Variants in ANKRD26 observed in about 807,000 individuals in gnomAD.
ANKRD26 encodes the protein ankyrin repeat domain-containing protein 26.
A neutral mutation model predicts 208.7 loss-of-function variants in ANKRD26; 141 were observed. That is an observed-to-expected ratio of 0.68 (90% CI 0.59 to 0.78). The LOEUF (loss-of-function observed/expected upper bound fraction) is 0.78, where lower values mean the gene tolerates loss of function less well. Among genes scored for constraint, ANKRD26 ranks in the 30% least tolerant of loss-of-function variants. The probability of loss-of-function intolerance (pLI) is 0.00; values close to 1 mark genes in which losing one functional copy is unlikely to be tolerated. For missense variants in ANKRD26, 1,889 were observed against 1,938.7 expected, an observed-to-expected ratio of 0.97 and a Z score of 0.48; for synonymous variants, 636 against 660.4, an observed-to-expected ratio of 0.96 and a Z score of 0.57.
At chr10:27,053,998 A>C (rs918033752) in intron 15 of ANKRD26, among the ~76,000 whole-genome samples, 2 of 152,096 alleles carry the variant, frequency 1.3e-5, no homozygotes, top group African/African-American at 4.8e-5. Context: ...TGCTATTTTG[A>C]CAAATTTTTT....
At chr10:27,092,308 C>A in intron 4 of ANKRD26, 98 bp downstream of exon 4, 1 of 832,346 alleles carries the variant, frequency 1.2e-6, no homozygotes, top group Admixed American at 2.1e-5. Context: ...CCCTCAAGAA[C>A]AAGCAGGTTT....
intron 5 of ANKRD26, among the ~76,000 whole-genome samples, chr10:26,994,801 T>C (rs1341793124): frequency 1.3e-5 from 2 of 152,190 alleles, no homozygotes; most frequent in African/African-American, 4.8e-5. Flanking sequence ...TCTCCTTCTG[T>C]AGCATCCCAA....
chr10:26,950,864 C>G, the ANKRD26 span, among the ~76,000 whole-genome samples: 5 of 152,092 alleles, frequency 3.3e-5, no homozygotes, highest in Non-Finnish European at 5.9e-5. Context: ...GAGCTTCAGT[C>G]TGATTCAGAA....
chr10:27,074,149 A>G (rs1287081494), intron 9 of ANKRD26, among the ~76,000 whole-genome samples: 1 of 152,194 alleles, frequency 6.6e-6, no homozygotes, highest in Non-Finnish European at 1.5e-5. Context: ...AAAAGATCAC[A>G]CTAACTCTCC....
At chr10:26,975,557 A>G (rs894589956) in exon 6 of ANKRD26, among the ~76,000 whole-genome samples, 13 of 151,866 alleles carry the variant, frequency 8.6e-5, no homozygotes, top group African/African-American at 2.7e-4. Flanking sequence ...GAGGAGCTCT[A>G]CAGGCCTGGC....
chr10:26,951,008 C>CTTTTTTTTTTTTTTTTTTTTTTTTTTTT, the ANKRD26 span, among the ~76,000 whole-genome samples: 1 of 62,694 alleles, frequency 1.6e-5, no homozygotes, highest in Middle Eastern at 8.2e-3. Flanking sequence ...TTTTTCTTTT[C>CTTTTTTTTTTTTTTTTTTTTTTTTTTTT]TTTTCTTTTT....
the ANKRD26 span, among the ~76,000 whole-genome samples, chr10:26,950,634 C>G: frequency 1.3e-5 from 2 of 152,378 alleles, no homozygotes; most frequent in South Asian, 2.1e-4. Flanking sequence ...ATGTGAGAAG[C>G]CTGCTCCCAC....
chr10:27,064,207 G>T (rs1029146010), intron 11 of ANKRD26, 126 bp from the exon 12 acceptor site: 2 of 765,312 alleles, frequency 2.6e-6, no homozygotes, highest in African/African-American at 3.5e-5. Context: ...TTAAAAATAA[G>T]ATAAGCATGT....
chr10:27,041,315 T>C (rs1291943751), intron 20 of ANKRD26, among the ~76,000 whole-genome samples: 11 of 151,948 alleles, frequency 7.2e-5, no homozygotes, highest in African/African-American at 2.7e-4. Flanking sequence ...ACAGTGCATG[T>C]ATGCTAGGAA....
the ANKRD26 span, among the ~76,000 whole-genome samples, chr10:26,949,545 G>A: frequency 2.8e-4 from 42 of 151,716 alleles, no homozygotes; most frequent in African/African-American, 7.0e-4. Context: ...TCACTCTGTC[G>A]CCCAGGCTGG....
At chr10:27,097,744 G>A (rs533512257) in intron 1 of ANKRD26, among the ~76,000 whole-genome samples, 1 of 152,098 alleles carries the variant, frequency 6.6e-6, no homozygotes, top group South Asian at 2.1e-4. Context: ...CCGCCTCCCA[G>A]GTGCACGCTA....
rs186266829 is a variant in ANKRD26, at chr10:27,077,584, T to C, written c.875-44A>G. On this transcript the variant is annotated intron_variant, in intron 8 of 33. Coordinates refer to ENST00000376087, the MANE Select transcript of ANKRD26 (RefSeq NM_014915.3). The stretch of plus-strand genomic sequence containing the variant: ...AAAGAGTAAATGAAAATATATGTAA[T>C]TAAGAATCAGTGAATAACACAAGAA... 28 of 1,611,104 alleles carry C rather than the reference T, an allele frequency of 1.7e-5. No individual in the cohort carries two copies. In the East Asian group the frequency reaches 6.2e-4, roughly 36 times the overall value.
At chr10:27,036,593 G>C (rs533645567) in intron 23 of ANKRD26, among the ~76,000 whole-genome samples, 1 of 152,168 alleles carries the variant, frequency 6.6e-6, no homozygotes, top group East Asian at 1.9e-4. Context: ...ATGTGAAACA[G>C]GGAGAAATAT....
chr10:27,030,595 C>T (rs1332959263), intron 25 of ANKRD26: 1 of 985,156 alleles, frequency 1.0e-6, no homozygotes, highest in Non-Finnish European at 1.2e-6. Context: ...CGGATCCCAG[C>T]TCTGGCTACG....
intron 5 of ANKRD26, among the ~76,000 whole-genome samples, chr10:26,992,480 A>ACACG (rs1199499102): frequency 1.3e-5 from 2 of 148,948 alleles, no homozygotes; most frequent in African/African-American, 5.0e-5. Context: ...ACACACACAC[A>ACACG]CACACACACA....
At chr10:27,028,192 G>C (rs2053731601) in intron 27 of ANKRD26, among the ~76,000 whole-genome samples, 1 of 152,168 alleles carries the variant, frequency 6.6e-6, no homozygotes, top group Admixed American at 6.5e-5. Context: ...TGAAACTCTT[G>C]AGTGTGGACA....
the ANKRD26 span, among the ~76,000 whole-genome samples, chr10:26,956,056 C>A: frequency 6.6e-6 from 1 of 152,100 alleles, no homozygotes; most frequent in Non-Finnish European, 1.5e-5. Context: ...TTAGAGATGT[C>A]ATTCTTAGAA....
intron 9 of ANKRD26, among the ~76,000 whole-genome samples, chr10:27,075,696 G>A (rs2055670842): frequency 6.6e-6 from 1 of 152,080 alleles, no homozygotes; most frequent in Non-Finnish European, 1.5e-5. Context: ...AGGTCATCAA[G>A]GTAGAAAGCC....
chr10:27,040,931 C>T (rs569534406), intron 20 of ANKRD26, among the ~76,000 whole-genome samples: 30 of 150,470 alleles, frequency 2.0e-4, no homozygotes, highest in African/African-American at 4.9e-4. Context: ...TTGGGGGGGC[C>T]GAGGCAGGAG....
Sources: allele counts gnomAD v4.1 joint callset (sites outside exome capture counted in the v4.1 genomes callset), GRCh38; gene constraint gnomAD v4.1.1; transcripts MANE v1.5; gene names NCBI Gene and HGNC (gene_info 2026-07-23, HGNC 2026-07-21).